MERTK: variants seen among roughly 807,000 people sequenced by gnomAD.
MERTK encodes the protein MER proto-oncogene, tyrosine kinase.
In MERTK, 69 loss-of-function variants were observed where a neutral mutation model predicts 99.3. The ratio of observed to expected loss-of-function variants is 0.70; its 90% CI spans 0.57 to 0.85. The LOEUF (loss-of-function observed/expected upper bound fraction) is 0.85. Ranked by LOEUF, MERTK falls within the 40% of genes least tolerant of loss-of-function variation. MERTK has a pLI of 0.00. For missense variants in MERTK, 1,125 were observed against 1,249.4 expected (o/e 0.90, Z 1.50); for synonymous variants, 426 against 467.6 (o/e 0.91, Z 1.15).
At chr2:111,925,683 T>C (rs1253031504) in intron 1 of MERTK, among the ~76,000 whole-genome samples, 1 of 151,930 alleles carries the variant, frequency 6.6e-6, no homozygotes, top group Non-Finnish European at 1.5e-5. Flanking sequence ...GATGTCACTT[T>C]AGTGGGTGGC....
chr2:111,975,011 A>G lies in MERTK; in HGVS notation c.961-278A>G, dbSNP rs182810153. On this transcript the variant is annotated intron_variant, in intron 6 of 18. Transcript: ENST00000295408. ...GAGAGGCTTTATTTTATAGTATAATATGAATTCTAATCATCATAATTATTT... is the reference window on the plus strand; with the variant it reads ...GAGAGGCTTTATTTTATAGTATAATGTGAATTCTAATCATCATAATTATTT... 1.5e-3 allele frequency among the ~76,000 whole-genome samples: 225 copies of G among 152,316 alleles called. 1 individual carries two copies. The highest frequency in any genetic ancestry group is 5.1e-3 in the African/African-American group (210 of 41,558).
In MERTK at chr2:111,997,353, C is replaced by T. The variant is rs760743544; in HGVS notation, c.1481C>T (p.Pro494Leu). ...GTAGATTATGCCCCCTCTTCAACTC[C>T]GGCGCCTGGCAACGCAGATCCTGTG... The part of the protein sequence containing the change: ...GWVDYAPSST[P>L]APGNADPVLI... Residue 494 changes from proline to leucine, a missense_variant, in exon 10 of 19, where the codon CCG becomes CTG. Physicochemically the swap from Pro to Leu is moderately conservative, Grantham distance 98. Transcript: ENST00000295408. 19 of 1,614,022 alleles carry T rather than the reference C, an allele frequency of 1.2e-5. No homozygotes were observed. Among genetic ancestry groups the T allele is most frequent in the East Asian group, 4.5e-5 (2 of 44,900 alleles).
rs140069205 is a variant in MERTK, at chr2:111,961,871, G to C, written c.758-3320G>C. On this transcript the variant is annotated intron_variant, in intron 4 of 18. Transcript: ENST00000295408. ...ATGTAGTGACCACTTGGCTGCAGCC[G>C]GGGCGCAGTCGTGGCCATGCAGACA... Among the ~76,000 whole-genome samples the C allele has an allele frequency of 6.5e-3, 985 of 152,348 alleles. 13 individuals are homozygous for C. The highest frequency in any genetic ancestry group is 0.023 in the African/African-American group (949 of 41,570).
intron 8 of MERTK, among the ~76,000 whole-genome samples, chr2:111,984,640 G>C (rs1377226077): frequency 6.6e-6 from 1 of 152,166 alleles, no homozygotes; most frequent in Non-Finnish European, 1.5e-5. Flanking sequence ...GATAGCAGGG[G>C]AGCCAATGAT....
intron 17 of MERTK, 146 bp downstream of exon 17, chr2:112,021,727 C>A: frequency 1.4e-6 from 1 of 731,392 alleles, no homozygotes; most frequent in Non-Finnish European, 2.4e-6. Context: ...TATATCTTAC[C>A]ATCAGATACT....
At chr2:111,925,474 C>T (rs891778752) in intron 1 of MERTK, among the ~76,000 whole-genome samples, 1 of 149,824 alleles carries the variant, frequency 6.7e-6, no homozygotes, top group Non-Finnish European at 1.5e-5. Flanking sequence ...GCTAAATTTT[C>T]GTATTTTTAG....
At chr2:111,900,267 G>A (rs1684018534) in intron 1 of MERTK, among the ~76,000 whole-genome samples, 2 of 152,082 alleles carry the variant, frequency 1.3e-5, no homozygotes, top group Non-Finnish European at 2.9e-5. Context: ...CTTTTTGCAC[G>A]TTAAATTACA....
chr2:111,960,281 G>A (rs982021103), intron 4 of MERTK, among the ~76,000 whole-genome samples: 2 of 152,036 alleles, frequency 1.3e-5, no homozygotes, highest in African/African-American at 4.8e-5. Flanking sequence ...AGGAGTTCAA[G>A]ACCAGCCTGG....
chr2:111,993,106 A>G (rs1297757782), intron 8 of MERTK, among the ~76,000 whole-genome samples: 1 of 150,642 alleles, frequency 6.6e-6, no homozygotes, highest in Non-Finnish European at 1.5e-5. Context: ...CTTGGTGACC[A>G]GAGGTCACAG....
chr2:111,912,124 T>TAC (rs1186420440), intron 1 of MERTK, among the ~76,000 whole-genome samples: 1 of 151,972 alleles, frequency 6.6e-6, no homozygotes, highest in Non-Finnish European at 1.5e-5. Context: ...TGCCTCAGCC[T>TAC]ACCAAGTAGC....
intron 2 of MERTK, among the ~76,000 whole-genome samples, chr2:111,943,507 C>G (rs1684901562): frequency 6.6e-6 from 1 of 152,050 alleles, no homozygotes; most frequent in African/African-American, 2.4e-5. Context: ...CAACTGCACT[C>G]CAGCTTGGGT....
chr2:111,982,849 A>G lies in MERTK; in HGVS notation c.1152A>G (p.Ser384=). 6.2e-7 allele frequency: 1 copy of G among 1,614,116 alleles called. No individual in the cohort carries two copies. The highest frequency in any genetic ancestry group is 1.7e-5 in the Admixed American group (1 of 60,020). ...ILASTTEGAP[S]VAPLNVTVFL... is the part of the protein sequence containing the mutation. ...TCCTTTTTTCTTTTGTAGCCCCATC[A>G]GTAGCACCTTTAAATGTCACTGTGT... The change falls in exon 8 of 19, where the codon TCA becomes TCG. Residue 384 remains serine, a synonymous_variant. Transcript: ENST00000295408.
intron 4 of MERTK, among the ~76,000 whole-genome samples, chr2:111,957,210 T>A (rs1182385368): frequency 1.3e-5 from 2 of 151,846 alleles, no homozygotes; most frequent in East Asian, 1.9e-4. Flanking sequence ...TGTGAGCCAC[T>A]GCGCCCGGCG....
At chr2:111,924,765 G>C (rs1003666186) in intron 1 of MERTK, among the ~76,000 whole-genome samples, 1 of 152,020 alleles carries the variant, frequency 6.6e-6, no homozygotes, top group East Asian at 1.9e-4. Flanking sequence ...CTAAATTGCT[G>C]TTCCCAAACT....
intron 11 of MERTK, among the ~76,000 whole-genome samples, chr2:112,002,842 G>A (rs534575684): frequency 6.6e-6 from 1 of 152,226 alleles, no homozygotes; most frequent in Admixed American, 6.5e-5. Context: ...GTGTGGTGGT[G>A]CATGCCTGCA....
In MERTK at chr2:112,028,438, A is replaced by G. The variant is rs1232187397; in HGVS notation, c.2574A>G (p.Leu858=). Residue 858 remains leucine, a synonymous_variant, in exon 19 of 19, where the codon TTA becomes TTG. Transcript: ENST00000295408. The stretch of plus-strand genomic sequence containing the variant: ...TGAGGCTGCAGCTAGAAAAACTCTT[A>G]GAAAGTTTGCCTGACGTTCGGAACC... ...SVLRLQLEKL[L]ESLPDVRNQA... 1.2e-6 allele frequency: 2 copies of G among 1,614,006 alleles called. No homozygotes were observed. The highest frequency in any genetic ancestry group is 1.7e-6 in the Non-Finnish European group (2 of 1,180,042).
intron 15 of MERTK, among the ~76,000 whole-genome samples, chr2:112,011,830 G>C (rs1415946052): frequency 6.6e-6 from 1 of 152,244 alleles, no homozygotes; most frequent in East Asian, 1.9e-4. Flanking sequence ...TGGGCACTGA[G>C]CTCTGGGGAC....
intron 1 of MERTK, among the ~76,000 whole-genome samples, chr2:111,910,525 C>A (rs1573562980): frequency 6.6e-6 from 1 of 151,874 alleles, no homozygotes; most frequent in East Asian, 1.9e-4. Flanking sequence ...CCGCCTCAGT[C>A]TCCCAAAGTT....
At chr2:112,025,876 A>G (rs896780063) in intron 18 of MERTK, among the ~76,000 whole-genome samples, 1 of 152,234 alleles carries the variant, frequency 6.6e-6, no homozygotes, top group Non-Finnish European at 1.5e-5. Context: ...ACACTGTTGT[A>G]TAACCATCAC....
Sources: gnomAD v4.1 joint callset for allele counts (sites outside exome capture counted in the v4.1 genomes callset) on GRCh38, gnomAD v4.1.1 for gene constraint, MANE v1.5 for transcripts, NCBI Gene and HGNC (gene_info 2026-07-23, HGNC 2026-07-21) for gene names.